Variants in BCAS3 observed in about 807,000 individuals in gnomAD.
The protein encoded by BCAS3 is BCAS3 microtubule associated cell migration factor, also known as BCAS4/BCAS3 fusion.
Under a neutral mutation model 116.1 loss-of-function variants are expected in BCAS3, and 53 were observed. That is an observed-to-expected ratio of 0.46 (90% CI 0.37 to 0.57). The LOEUF (loss-of-function observed/expected upper bound fraction) is 0.57, where lower values mean the gene tolerates loss of function less well. BCAS3 is among the 20% of genes least tolerant of loss of function. The probability of loss-of-function intolerance (pLI) is 0.00; values close to 1 mark genes in which losing one functional copy is unlikely to be tolerated. For missense variants in BCAS3, 917 were observed against 1,165.4 expected, an observed-to-expected ratio of 0.79 and a Z score of 3.10; for synonymous variants, 391 against 408.2, an observed-to-expected ratio of 0.96 and a Z score of 0.51.
At chr17:61,091,425 T>C (rs902755762) in intron 22 of BCAS3, among the ~76,000 whole-genome samples, 2 of 152,238 alleles carry the variant, frequency 1.3e-5, no homozygotes, top group African/African-American at 4.8e-5. Flanking sequence ...TATTAGAATT[T>C]GTTTAAGTCT....
intron 12 of BCAS3, among the ~76,000 whole-genome samples, chr17:60,922,636 T>G (rs1314816417): frequency 6.6e-6 from 1 of 152,196 alleles, no homozygotes; most frequent in African/African-American, 2.4e-5. Flanking sequence ...CACCCAAAAC[T>G]GCAGAATGCA....
At position 61,171,606 on chromosome 17, in the gene BCAS3, T is replaced by C. The variant is rs1294261612; in HGVS notation, c.2425+87042T>C. Among the ~76,000 whole-genome samples, 3 of 152,106 alleles carry C rather than the reference T, an allele frequency of 2.0e-5. No homozygotes were observed. The highest frequency in any genetic ancestry group is 4.4e-5 in the Non-Finnish European group (3 of 68,018). ...AAAAGTAAAAGGATAGAAATAATGA[T>C]ATATTATGCTAATACTAATTTTATT... On this transcript the variant is annotated intron_variant, in intron 22 of 23. Transcript: ENST00000407086. The surrounding 1 kb of genome is among the most constrained non-coding windows in gnomAD (Gnocchi z 4.1).
rs2056389394 is a variant in BCAS3, at chr17:61,332,703, C to T, written c.2426-35624C>T. Among the ~76,000 whole-genome samples, 1 of 152,138 alleles carries T rather than the reference C, an allele frequency of 6.6e-6. No homozygotes were observed. The highest frequency in any genetic ancestry group is 1.5e-5 in the Non-Finnish European group (1 of 68,032). ...TGATCTCGGCTCATAGCAGCCTCCA[C>T]CTCCCAGGTTCAAGCCATTCTCCTG... On this transcript the variant is annotated intron_variant, in intron 22 of 23. Coordinates refer to ENST00000407086, the MANE Select transcript of BCAS3 (RefSeq NM_017679.5). This position sits in a 1 kb window ranked among gnomAD's most constrained non-coding sequence, Gnocchi z 5.4.
intron 23 of BCAS3, among the ~76,000 whole-genome samples, chr17:61,369,186 C>G (rs1417060493): frequency 6.6e-6 from 1 of 152,184 alleles, no homozygotes; most frequent in Non-Finnish European, 1.5e-5. Flanking sequence ...TTTCCAAAAC[C>G]CTTCTTTGTT....
chr17:61,262,897 G>A (rs2049350535), intron 22 of BCAS3, among the ~76,000 whole-genome samples: 3 of 151,304 alleles, frequency 2.0e-5, no homozygotes. Context: ...TCTCCATGTT[G>A]GTCAGGCTGG....
Position 61,095,716 on chromosome 17 carries a change from C to T in BCAS3, c.2425+11152C>T, listed in dbSNP as rs977752680. ...TTCTGAGCTCAAGTGATCTGCCCAC[C>T]TTGGCTTCCCAAAGTGCTGGGATTA... On this transcript the variant is annotated intron_variant, in intron 22 of 23. Transcript: ENST00000407086. This position sits in a 1 kb window ranked among gnomAD's most constrained non-coding sequence, Gnocchi z 4.7. Among the ~76,000 whole-genome samples the T allele has an allele frequency of 6.6e-6, 1 of 152,086 alleles. No individual in the cohort carries two copies. The highest frequency in any genetic ancestry group is 2.4e-5 in the African/African-American group (1 of 41,410).
In BCAS3 at chr17:61,244,574, G is replaced by T. The variant is rs1807837878; in HGVS notation, c.2426-123753G>T. On this transcript the variant is annotated intron_variant, in intron 22 of 23. Transcript: ENST00000407086. This position sits in a 1 kb window ranked among gnomAD's most constrained non-coding sequence, Gnocchi z 4.9. ...ATTCAGTCTATATTTTTAAAAATTG[G>T]ATATATAGGCCCGGCGCGGTGGCTC... Among the ~76,000 whole-genome samples the T allele has an allele frequency of 6.6e-6, 1 of 152,002 alleles. No individual in the cohort carries two copies. The highest frequency in any genetic ancestry group is 2.4e-5 in the African/African-American group (1 of 41,372).
rs1423885247 is a variant in BCAS3, at chr17:61,034,695, C to A, written c.1667C>A (p.Pro556His). The change falls in exon 17 of 24, where the codon CCC becomes CAC. Residue 556 changes from proline to histidine, a missense_variant. Pro to His is a moderately conservative substitution (Grantham distance 77). Transcript: ENST00000407086. The surrounding 1 kb of genome is among the most constrained non-coding windows in gnomAD (Gnocchi z 5.0). ...GTTAAACCTCCTCCACAAATTTCAC[C>A]CAGCAAATCGATGGGCGGAGAATTT... ...GKVKPPPQIS[P>H]SKSMGGEFCV... The A allele has an allele frequency of 6.2e-7, 1 of 1,609,044 alleles. No individual in the cohort carries two copies. Among genetic ancestry groups the A allele is most frequent in the Admixed American group, 1.7e-5 (1 of 59,522 alleles).
intron 22 of BCAS3, among the ~76,000 whole-genome samples, chr17:61,089,619 T>C (rs1394875074): frequency 7.2e-6 from 1 of 138,126 alleles, no homozygotes; most frequent in East Asian, 2.4e-4. Flanking sequence ...AACCTCCGCC[T>C]CCTGGGTTCA....
At chr17:60,832,705 C>T (rs2051043713) in intron 7 of BCAS3, among the ~76,000 whole-genome samples, 1 of 152,084 alleles carries the variant, frequency 6.6e-6, no homozygotes, top group Non-Finnish European at 1.5e-5. Context: ...GAATTTGGAT[C>T]TTAAAGTGTG....
Position 61,323,571 on chromosome 17 carries a change from T to C in BCAS3, c.2426-44756T>C, listed in dbSNP as rs2055486990. 6.6e-6 allele frequency among the ~76,000 whole-genome samples: 1 copy of C among 152,214 alleles called. No homozygotes were observed. The highest frequency in any genetic ancestry group is 2.1e-4 in the South Asian group (1 of 4,832). On this transcript the variant is annotated intron_variant, in intron 22 of 23. Transcript: ENST00000407086. The surrounding 1 kb of genome is among the most constrained non-coding windows in gnomAD (Gnocchi z 4.6). ...TAATGTAAAAATGCTTTGAGAAATA[T>C]CTTAGCTGTTCTCAAAATTATAAAC...
In BCAS3 at chr17:60,696,780, C is replaced by G. The variant is rs545987735; in HGVS notation, c.214+7019C>G. On this transcript the variant is annotated intron_variant, in intron 4 of 23. Coordinates refer to ENST00000407086, the MANE Select transcript of BCAS3 (RefSeq NM_017679.5). Reference sequence around the variant, plus strand: ...CTGTGCACTGACCCTATTTACCTTTCAGGTCATTAAAGCCACAGAACTTTT... The same window carrying G: ...CTGTGCACTGACCCTATTTACCTTTGAGGTCATTAAAGCCACAGAACTTTT... 4.1e-4 allele frequency among the ~76,000 whole-genome samples: 63 copies of G among 152,310 alleles called. 1 individual carries two copies. Among genetic ancestry groups the G allele is most frequent in the Admixed American group, 3.1e-3 (48 of 15,294 alleles).
chr17:61,301,009 A>G lies in BCAS3; in HGVS notation c.2426-67318A>G, dbSNP rs374762340. 6.6e-5 allele frequency among the ~76,000 whole-genome samples: 10 copies of G among 152,240 alleles called. No homozygotes were observed. The East Asian group carries it at 1.3e-3, about 20-fold the overall frequency. The stretch of plus-strand genomic sequence containing the variant: ...ACCAAAATATTTTAAATGCCCACAC[A>G]TTTATGATATAGTAATATATGTACT... On this transcript the variant is annotated intron_variant, in intron 22 of 23. Transcript: ENST00000407086.
chr17:61,239,325 C>G lies in BCAS3; in HGVS notation c.2426-129002C>G, dbSNP rs1227479024. Among the ~76,000 whole-genome samples, 1 of 152,188 alleles carries G rather than the reference C, an allele frequency of 6.6e-6. No individual in the cohort carries two copies. Among genetic ancestry groups the G allele is most frequent in the Non-Finnish European group, 1.5e-5 (1 of 68,042 alleles). On this transcript the variant is annotated intron_variant, in intron 22 of 23. Coordinates refer to ENST00000407086, the MANE Select transcript of BCAS3 (RefSeq NM_017679.5). The surrounding 1 kb of genome is among the most constrained non-coding windows in gnomAD (Gnocchi z 4.2). ...AGTACCATCAAAGATAGTTATATAT[C>G]CAAGAGGAAAGCCTGAGTTTGAAAT...
chr17:60,865,889 C>T (rs1228824890), intron 7 of BCAS3, among the ~76,000 whole-genome samples: 1 of 152,012 alleles, frequency 6.6e-6, no homozygotes, highest in Admixed American at 6.6e-5. Flanking sequence ...TTTATAGGTG[C>T]ACTTTATAAG....
intron 15 of BCAS3, among the ~76,000 whole-genome samples, chr17:60,996,945 T>G (rs1337362067): frequency 6.6e-6 from 1 of 152,168 alleles, no homozygotes; most frequent in Non-Finnish European, 1.5e-5. Flanking sequence ...ATTAGTAATG[T>G]AGAAGTGTGA....
At chr17:61,168,010 G>A (rs965010773) in intron 22 of BCAS3, among the ~76,000 whole-genome samples, 2 of 152,038 alleles carry the variant, frequency 1.3e-5, no homozygotes, top group Admixed American at 1.3e-4. Flanking sequence ...GGTATCATAC[G>A]GCGCTGCCTG....
rs1378047318 is a variant in BCAS3 at position 61,364,693 on chromosome 17, G to A, written c.2426-3634G>A. Among the ~76,000 whole-genome samples, 1 of 152,342 alleles carries A rather than the reference G, an allele frequency of 6.6e-6. No individual in the cohort carries two copies. The highest frequency in any genetic ancestry group is 2.1e-4 in the South Asian group (1 of 4,828). On this transcript the variant is annotated intron_variant, in intron 22 of 23. Coordinates refer to ENST00000407086, the MANE Select transcript of BCAS3 (RefSeq NM_017679.5). The surrounding 1 kb of genome is among the most constrained non-coding windows in gnomAD (Gnocchi z 5.4). ...ACTGCACTTTGGTCTGGGCAAAAGA[G>A]TGAGACCCCGTCTCAAAACAAAACA...
rs749295836 is a variant in BCAS3 at position 61,387,205 on chromosome 17, G to T, written c.2594-4772G>T. Among the ~76,000 whole-genome samples, 1 of 152,190 alleles carries T rather than the reference G, an allele frequency of 6.6e-6. No individual in the cohort carries two copies. The highest frequency in any genetic ancestry group is 1.5e-5 in the Non-Finnish European group (1 of 68,036). On this transcript the variant is annotated intron_variant, in intron 23 of 23. Transcript: ENST00000407086. The surrounding 1 kb of genome is among the most constrained non-coding windows in gnomAD (Gnocchi z 6.2). ...CTGCTGCCCGTCAACTCACAGCCTG[G>T]CAAAGGGGCCACAACACTGCACTGT...
Sources: gnomAD v4.1 joint callset for allele counts (sites outside exome capture counted in the v4.1 genomes callset) on GRCh38, gnomAD v4.1.1 for gene constraint, Gnocchi (gnomAD v3.1) non-coding constraint, MANE v1.5 for transcripts, NCBI Gene and HGNC (gene_info 2026-07-23, HGNC 2026-07-21) for gene names.